KIF27: variants seen among roughly 807,000 people sequenced by gnomAD.
KIF27 encodes the protein kinesin family member 27, also known as kinesin-like protein KIF27.
In KIF27, 84 loss-of-function variants were observed where a neutral mutation model predicts 141.8. The observed-to-expected ratio is 0.59, with a 90% confidence interval of 0.50 to 0.71. The LOEUF (loss-of-function observed/expected upper bound fraction) is 0.71. Among genes scored for constraint, KIF27 ranks in the 30% least tolerant of loss-of-function variants. KIF27 has a pLI of 0.00. For missense variants in KIF27, 1,306 were observed against 1,628.4 expected (o/e 0.80, Z 3.41); for synonymous variants, 471 against 569.5 (o/e 0.83, Z 2.46).
chr9:83,871,174 A>G (rs1002372494), intron 11 of KIF27, among the ~76,000 whole-genome samples: 11 of 152,086 alleles, frequency 7.2e-5, no homozygotes, highest in Non-Finnish European at 1.3e-4. Flanking sequence ...TCCAGCCTCA[A>G]CTTCCTAAAG....
intron 8 of KIF27, among the ~76,000 whole-genome samples, chr9:83,887,632 G>A (rs1281868942): frequency 6.6e-6 from 1 of 152,078 alleles, no homozygotes; most frequent in East Asian, 1.9e-4. Context: ...GCACCAGAAT[G>A]TAAATCAACT....
intron 13 of KIF27, among the ~76,000 whole-genome samples, chr9:83,862,545 G>C (rs1168663112): frequency 1.3e-5 from 2 of 152,090 alleles, no homozygotes; most frequent in African/African-American, 4.8e-5. Flanking sequence ...TCTCTGTTTT[G>C]GTACCAGTAC....
chr9:83,846,548 A>C (rs1947302796), intron 16 of KIF27, among the ~76,000 whole-genome samples: 1 of 152,166 alleles, frequency 6.6e-6, no homozygotes, highest in Non-Finnish European at 1.5e-5. Flanking sequence ...CAATTACATG[A>C]CAATACTTTG....
intron 1 of KIF27, among the ~76,000 whole-genome samples, chr9:83,920,820 A>G (rs1191162992): frequency 6.7e-6 from 1 of 149,474 alleles, no homozygotes; most frequent in Non-Finnish European, 1.5e-5. Context: ...CCCAAGGTTC[A>G]ACCTCTACGG....
Position 83,883,073 on chromosome 9 carries a change from C to CAAT in KIF27, c.2445+737_2445+739dup, listed in dbSNP as rs199851043. Reference sequence around the variant, plus strand: ...TAAAGCAAATAACTGTGGCATAGTTCAATAATAATAATAATAATAATGCTG... The same window carrying CAAT: ...TAAAGCAAATAACTGTGGCATAGTTCAATAATAATAATAATAATAATAATGCTG... On this transcript the variant is annotated intron_variant, in intron 10 of 17. Coordinates refer to ENST00000297814, the MANE Select transcript of KIF27 (RefSeq NM_017576.4). Among the ~76,000 whole-genome samples, 161 of 151,170 alleles carry CAAT rather than the reference C, an allele frequency of 1.1e-3. 1 individual carries two copies. The highest frequency in any genetic ancestry group is 6.9e-3 in the Middle Eastern group (2 of 290).
intron 1 of KIF27, among the ~76,000 whole-genome samples, chr9:83,916,503 T>C (rs1955694133): frequency 6.6e-6 from 1 of 152,162 alleles, no homozygotes; most frequent in Non-Finnish European, 1.5e-5. Context: ...TAATCAAAAC[T>C]AACAGAAAAA....
intron 1 of KIF27, among the ~76,000 whole-genome samples, chr9:83,916,334 T>C (rs1955680369): frequency 1.3e-5 from 2 of 152,014 alleles, no homozygotes; most frequent in African/African-American, 2.4e-5. Flanking sequence ...GCCCAGCCTG[T>C]ACATGTGTTA....
At position 83,835,019 on chromosome 9, in the gene KIF27, A is replaced by G. The variant is rs1945664953; in HGVS notation, c.*1982T>C. ...GCACAGCAATAATATATTTAAATAAATATGTATTTATTAACAAAGATCCTA... is the reference window on the plus strand; with the variant it reads ...GCACAGCAATAATATATTTAAATAAGTATGTATTTATTAACAAAGATCCTA... On this transcript the variant is annotated 3_prime_UTR_variant, in exon 18 of 18. Coordinates refer to ENST00000297814, the MANE Select transcript of KIF27 (RefSeq NM_017576.4). Among the ~76,000 whole-genome samples the G allele has an allele frequency of 6.7e-6, 1 of 148,884 alleles. No individual in the cohort carries two copies. Among genetic ancestry groups the G allele is most frequent in the Non-Finnish European group, 1.5e-5 (1 of 67,444 alleles).
chr9:83,901,144 A>C (rs747741984), intron 4 of KIF27, among the ~76,000 whole-genome samples: 2 of 152,090 alleles, frequency 1.3e-5, no homozygotes, highest in Admixed American at 6.6e-5. Context: ...TTTTTTGTAG[A>C]AACAGGGGTC....
chr9:83,850,561 G>A (rs1418926301), intron 15 of KIF27, among the ~76,000 whole-genome samples: 5 of 151,820 alleles, frequency 3.3e-5, no homozygotes, highest in African/African-American at 1.2e-4. Flanking sequence ...GGGGGGGATC[G>A]CTTGAGGTGA....
intron 4 of KIF27, among the ~76,000 whole-genome samples, chr9:83,901,597 G>A (rs1255146040): frequency 1.3e-5 from 2 of 152,146 alleles, no homozygotes; most frequent in Non-Finnish European, 2.9e-5. Flanking sequence ...TGTGTTGGCC[G>A]GGTGCGGTGG....
chr9:83,844,408 C>A (rs1190118577), intron 16 of KIF27, among the ~76,000 whole-genome samples: 2 of 150,414 alleles, frequency 1.3e-5, no homozygotes, highest in Admixed American at 6.6e-5. Flanking sequence ...CTAGAGAACC[C>A]TAATACAGGT....
chr9:83,913,725 C>G (rs1424224914), intron 2 of KIF27, among the ~76,000 whole-genome samples: 2 of 152,154 alleles, frequency 1.3e-5, no homozygotes, highest in Admixed American at 6.6e-5. Context: ...GCGTGAGCCA[C>G]CACGCCTGGT....
intron 14 of KIF27, among the ~76,000 whole-genome samples, chr9:83,857,826 TA>T (rs1248121173): frequency 6.6e-6 from 1 of 152,220 alleles, no homozygotes; most frequent in African/African-American, 2.4e-5. Context: ...TTGCTTTGAA[TA>T]AATAATGTAA....
chr9:83,848,037 A>G (rs1375372073), intron 16 of KIF27: 1 of 112,358 alleles, frequency 8.9e-6, no homozygotes, highest in African/African-American at 3.1e-5. Flanking sequence ...CTATATCTAT[A>G]TATATCTACA....
At chr9:83,917,995 CAAT>C (rs1476475499) in intron 1 of KIF27, among the ~76,000 whole-genome samples, 5 of 151,926 alleles carry the variant, frequency 3.3e-5, no homozygotes, top group Admixed American at 3.3e-4. Context: ...TAAATATGTA[CAAT>C]GATTTTGTCA....
intron 12 of KIF27, among the ~76,000 whole-genome samples, chr9:83,869,482 T>C (rs1397520255): frequency 6.6e-6 from 1 of 152,194 alleles, no homozygotes; most frequent in Non-Finnish European, 1.5e-5. Flanking sequence ...ACACCTGTAA[T>C]CCCAGCACTT....
At chr9:83,902,971 A>C (rs1052741241) in intron 4 of KIF27, 89 bp downstream of exon 4, 3 of 723,134 alleles carry the variant, frequency 4.1e-6, no homozygotes. Context: ...ACAATGTCTA[A>C]ATATGTTAAC....
chr9:83,869,742 T>C (rs1030757711), intron 12 of KIF27, among the ~76,000 whole-genome samples: 5 of 151,930 alleles, frequency 3.3e-5, no homozygotes, highest in Admixed American at 6.6e-5. Flanking sequence ...AAATAAAATA[T>C]ACTCGTCTTC....
Sources: allele counts gnomAD v4.1 joint callset (sites outside exome capture counted in the v4.1 genomes callset), GRCh38; gene constraint gnomAD v4.1.1; transcripts MANE v1.5; gene names NCBI Gene and HGNC (gene_info 2026-07-23, HGNC 2026-07-21).